The following KCNG4 variants were observed in gnomAD, a reference collection of about 807,000 sequenced individuals.
KCNG4 encodes the protein potassium voltage-gated channel modifier subfamily G member 4.
Under a neutral mutation model 28.2 loss-of-function variants are expected in KCNG4, and 30 were observed. The observed-to-expected ratio is 1.06, with a 90% CI of 0.80 to 1.44. KCNG4 has a LOEUF of 1.44. KCNG4 is among the 40% of genes most tolerant of loss of function. KCNG4 has a pLI of 0.00. For synonymous variants in KCNG4, 375 were observed against 315.5 expected (o/e 1.19, Z -2.00); for missense variants, 879 against 712.3 (o/e 1.23, Z -2.66).
At chr16:84,235,089 G>A (rs1904916328) in intron 2 of KCNG4, among the ~76,000 whole-genome samples, 1 of 152,180 alleles carries the variant, frequency 6.6e-6, no homozygotes, top group Admixed American at 6.5e-5. Context: ...CTTTGGCTGC[G>A]CAGGTCTGCG....
At chr16:84,224,260 T>C (rs1017045896) in intron 2 of KCNG4, among the ~76,000 whole-genome samples, 2 of 152,230 alleles carry the variant, frequency 1.3e-5, no homozygotes, top group Non-Finnish European at 2.9e-5. Flanking sequence ...TGGGGGTTCC[T>C]TGAAACATTC....
chr16:84,225,926 A>G (rs1345115734), intron 2 of KCNG4, among the ~76,000 whole-genome samples: 4 of 152,244 alleles, frequency 2.6e-5, no homozygotes, highest in African/African-American at 7.2e-5. Context: ...GGGGGTGTTT[A>G]TGGAGTGTGG....
At chr16:84,239,457 A>G (rs1235740774) in intron 1 of KCNG4, among the ~76,000 whole-genome samples, 1 of 152,210 alleles carries the variant, frequency 6.6e-6, no homozygotes, top group Non-Finnish European at 1.5e-5. Flanking sequence ...CTCCTTCCAG[A>G]ACCTGAAAAC....
chr16:84,235,968 G>A (rs71404154), intron 2 of KCNG4: 2 of 152,216 alleles, frequency 1.3e-5, no homozygotes, highest in Non-Finnish European at 2.9e-5. Context: ...AGGGTGTCTC[G>A]GGGTCTCCTG....
intron 2 of KCNG4, among the ~76,000 whole-genome samples, chr16:84,234,993 G>A (rs1366655738): frequency 6.6e-6 from 1 of 152,210 alleles, no homozygotes; most frequent in Non-Finnish European, 1.5e-5. Flanking sequence ...TCACTAAGGA[G>A]AAAGCATAAA....
chr16:84,235,989 C>G (rs1323131709), intron 2 of KCNG4: 1 of 152,150 alleles, frequency 6.6e-6, no homozygotes, highest in Non-Finnish European at 1.5e-5. Context: ...TAACTCCCTG[C>G]AAAGGGGACG....
intron 2 of KCNG4, among the ~76,000 whole-genome samples, chr16:84,227,135 ATCACTACTG>A (rs1308697331): frequency 6.6e-6 from 1 of 152,246 alleles, no homozygotes; most frequent in Non-Finnish European, 1.5e-5. Flanking sequence ...ACTGGAACCC[ATCACTACTG>A]GTGGGGATGT....
In KCNG4 at chr16:84,236,817, G is replaced by C. The variant is rs370292291; in HGVS notation, c.669C>G (p.Phe223Leu). 1 of 1,613,732 alleles carries C rather than the reference G, an allele frequency of 6.2e-7. No homozygotes were observed. ...NPQSGLPGKVFACLSILFVAT... is the reference protein window; with the variant it reads ...NPQSGLPGKVLACLSILFVAT... ...CCACGAAGAGGATGGAGAGGCAAGCGAAGACCTTCCCGGGCAGCCCGGACT... is the reference window on the plus strand; with the variant it reads ...CCACGAAGAGGATGGAGAGGCAAGCCAAGACCTTCCCGGGCAGCCCGGACT... Residue 223 changes from phenylalanine to leucine, a missense_variant, in exon 2 of 3, where the codon TTC becomes TTG. Transcript: ENST00000308251.
At chr16:84,234,503 C>G (rs1904898072) in intron 2 of KCNG4, among the ~76,000 whole-genome samples, 1 of 152,198 alleles carries the variant, frequency 6.6e-6, no homozygotes, top group South Asian at 2.1e-4. Context: ...CAATCTCTGG[C>G]ACAGACCTTT....
At position 84,237,139 on chromosome 16, in the gene KCNG4, C is replaced by G. The variant is rs1420984041; in HGVS notation, c.347G>C (p.Ser116Thr). ...EDSQEFFFDRSPSAFGVIVSF... is the reference protein window; with the variant it reads ...EDSQEFFFDRTPSAFGVIVSF... ...CACGATCACCCCGAAGGCGCTGGGG[C>G]TCCTGTCGAAGAAGAACTCCTGGCT... is the stretch of plus-strand genomic sequence containing the variant. Residue 116 changes from serine to threonine, a missense_variant, in exon 2 of 3, where the codon AGC becomes ACC. By Grantham distance (58) the Ser-to-Thr change is moderately conservative. Transcript: ENST00000308251. 1 of 1,614,184 alleles carries G rather than the reference C, an allele frequency of 6.2e-7. No homozygotes were observed. The highest frequency in any genetic ancestry group is 8.5e-7 in the Non-Finnish European group (1 of 1,180,042).
chr16:84,228,301 C>A (rs1384098104), intron 2 of KCNG4, among the ~76,000 whole-genome samples: 1 of 152,216 alleles, frequency 6.6e-6, no homozygotes, highest in Non-Finnish European at 1.5e-5. Flanking sequence ...GTGGCCACCT[C>A]TCACTTCTGC....
intron 2 of KCNG4, among the ~76,000 whole-genome samples, chr16:84,230,358 T>C (rs776101008): frequency 6.0e-5 from 8 of 132,426 alleles, no homozygotes; most frequent in Non-Finnish European, 1.2e-4. Flanking sequence ...TAAGTTGATA[T>C]CGCGCCACTG....
At chr16:84,231,467 C>G (rs898058843) in intron 2 of KCNG4, among the ~76,000 whole-genome samples, 1 of 152,272 alleles carries the variant, frequency 6.6e-6, no homozygotes, top group Non-Finnish European at 1.5e-5. Context: ...CCGGCCAGGG[C>G]TGAGGCCACA....
chr16:84,235,668 C>T (rs1904929885), intron 2 of KCNG4: 1 of 152,152 alleles, frequency 6.6e-6, no homozygotes, highest in South Asian at 2.1e-4. Context: ...TTGTCTTGCC[C>T]TGGGACATAT....
rs1904692800 is a variant in KCNG4, at chr16:84,226,164, A to G, written c.757-3144T>C. ...GAGGTGTGTTCTGGCTCCTTCCTGC[A>G]ATGAAGAAGAGCAAGCGTCAGCCTG... On this transcript the variant is annotated intron_variant, in intron 2 of 2. Transcript: ENST00000308251. This position sits in a 1 kb window ranked among gnomAD's most constrained non-coding sequence, Gnocchi z 4.1. Among the ~76,000 whole-genome samples the G allele has an allele frequency of 6.6e-6, 1 of 152,194 alleles. No individual in the cohort carries two copies. Among genetic ancestry groups the G allele is most frequent in the Non-Finnish European group, 1.5e-5 (1 of 68,036 alleles).
Position 84,222,425 on chromosome 16 carries a change from G to C in KCNG4, c.1352C>G (p.Thr451Arg). 1 of 1,614,172 alleles carries C rather than the reference G, an allele frequency of 6.2e-7. No individual in the cohort carries two copies. Among genetic ancestry groups the C allele is most frequent in the Non-Finnish European group, 8.5e-7 (1 of 1,180,034 alleles). Reference protein sequence around the residue: ...SGILIMAFPATSIFHTFSHSY... With the variant: ...SGILIMAFPARSIFHTFSHSY... ...GTGGGAGAAGGTGTGGAAGATAGAC[G>C]TGGCCGGGAAGGCCATGATGAGGAT... is the stretch of plus-strand genomic sequence containing the variant. Residue 451 changes from threonine (T) to arginine (R), a missense_variant, in exon 3 of 3, where the codon ACG becomes AGG. Physicochemically the swap from Thr to Arg is moderately conservative, Grantham distance 71. Transcript: ENST00000308251.
chr16:84,231,403 T>C (rs1345278626), intron 2 of KCNG4, among the ~76,000 whole-genome samples: 1 of 152,040 alleles, frequency 6.6e-6, no homozygotes, highest in African/African-American at 2.4e-5. Flanking sequence ...GACAGTCCAC[T>C]GCAGGTGGCC....
chr16:84,225,057 C>T (rs1904666230), intron 2 of KCNG4, among the ~76,000 whole-genome samples: 1 of 152,166 alleles, frequency 6.6e-6, no homozygotes, highest in Non-Finnish European at 1.5e-5. Flanking sequence ...ATTAACAGGA[C>T]CGTGCACCTA....
chr16:84,222,528 T>A lies in KCNG4; in HGVS notation c.1249A>T (p.Thr417Ser). 6.2e-7 allele frequency: 1 copy of A among 1,613,550 alleles called. No individual in the cohort carries two copies. Among genetic ancestry groups the A allele is most frequent in the Non-Finnish European group, 8.5e-7 (1 of 1,179,876 alleles). ...ASYWWAIISM[T>S]TVGYGDMVPR... ...ACCATGTCCCCGTAGCCCACCGTTG[T>A]CATGGAGATGATGGCCCACCAATAG... Residue 417 changes from threonine (T) to serine (S), a missense_variant, in exon 3 of 3, where the codon ACA (threonine) becomes TCA (serine). By Grantham distance (58) the Thr-to-Ser change is moderately conservative. Transcript: ENST00000308251.
Sources: gnomAD v4.1 joint callset for allele counts (sites outside exome capture counted in the v4.1 genomes callset) on GRCh38, gnomAD v4.1.1 for gene constraint, Gnocchi (gnomAD v3.1) non-coding constraint, MANE v1.5 for transcripts, NCBI Gene and HGNC (gene_info 2026-07-23, HGNC 2026-07-21) for gene names.